Variants in KSR2 observed in about 807,000 individuals in gnomAD.
KSR2 encodes the protein kinase suppressor of ras 2.
KSR2 carries 25 observed loss-of-function variants against 107.8 expected under a neutral mutation model. The ratio of observed to expected loss-of-function variants is 0.23; its 90% CI spans 0.17 to 0.32. The LOEUF (loss-of-function observed/expected upper bound fraction) is 0.32. Ranked by LOEUF, KSR2 falls within the 10% of genes least tolerant of loss-of-function variation. The pLI is 1.00. For synonymous variants in KSR2, 480 were observed against 507.0 expected, an observed-to-expected ratio of 0.95 and a Z score of 0.71; for missense variants, 887 against 1,268.9, an observed-to-expected ratio of 0.70 and a Z score of 4.57.
At chr12:117,793,844 ACT>A (rs1226558936) in intron 3 of KSR2, among the ~76,000 whole-genome samples, 2 of 143,362 alleles carry the variant, frequency 1.4e-5, no homozygotes, top group African/African-American at 2.6e-5. Context: ...ACATGCACAC[ACT>A]CATACCATGC....
chr12:117,845,769 C>A (rs1051883386), intron 3 of KSR2, among the ~76,000 whole-genome samples: 1 of 151,972 alleles, frequency 6.6e-6, no homozygotes, highest in African/African-American at 2.4e-5. Context: ...CAGCCTTGAC[C>A]TCCCAGGCTC....
At chr12:117,760,794 T>C (rs1425136125) in intron 4 of KSR2, among the ~76,000 whole-genome samples, 1 of 152,204 alleles carries the variant, frequency 6.6e-6, no homozygotes, top group African/African-American at 2.4e-5. Flanking sequence ...CCCTAGGCCA[T>C]AGGATATTAA....
In KSR2 at chr12:117,530,980, G is replaced by A. The variant is rs780348317; in HGVS notation, c.1763C>T (p.Ala588Val). ...VVPVPETPTR[A>V]PQVILHPVTS... ...CACCGGATGCAGGATGACCTGGGGC[G>A]CCCGGGTCGGCGTCTCCGGCACCGG... The change falls in exon 12 of 20, where the codon GCG becomes GTG. Residue 588 changes from alanine to valine, a missense_variant. Physicochemically the swap from Ala to Val is moderately conservative, Grantham distance 64. This residue lies in a region of KSR2 where 308 missense variants were observed against 506.2 expected (regional missense o/e 0.61). Coordinates refer to ENST00000339824, the MANE Select transcript of KSR2 (RefSeq NM_173598.6). 12 of 1,613,378 alleles carry A rather than the reference G, an allele frequency of 7.4e-6. No homozygotes were observed. Among genetic ancestry groups the A allele is most frequent in the Admixed American group, 5.0e-5 (3 of 59,964 alleles).
chr12:117,884,711 T>C (rs1392810742), intron 1 of KSR2, among the ~76,000 whole-genome samples: 2 of 152,200 alleles, frequency 1.3e-5, no homozygotes, highest in Non-Finnish European at 2.9e-5. Context: ...TTAGATGTCC[T>C]TTGACCTCTG....
intron 5 of KSR2, among the ~76,000 whole-genome samples, chr12:117,629,230 G>A (rs1042554246): frequency 2.0e-5 from 3 of 152,210 alleles, no homozygotes; most frequent in African/African-American, 7.2e-5. Context: ...CAGTCCCAAT[G>A]AGATGAACCA....
chr12:117,958,802 C>T (rs1033946728), intron 1 of KSR2, among the ~76,000 whole-genome samples: 11 of 152,120 alleles, frequency 7.2e-5, no homozygotes, highest in African/African-American at 2.7e-4. Flanking sequence ...GCCTGGGTGA[C>T]AGAGTGAGAC....
chr12:117,819,163 C>T (rs1333406104), intron 3 of KSR2, among the ~76,000 whole-genome samples: 1 of 152,074 alleles, frequency 6.6e-6, no homozygotes, highest in Middle Eastern at 3.2e-3. Flanking sequence ...GCATCAGGCT[C>T]AGGGGAATAA....
chr12:117,724,191 C>T (rs1201310003), intron 4 of KSR2, among the ~76,000 whole-genome samples: 1 of 151,632 alleles, frequency 6.6e-6, no homozygotes. Flanking sequence ...GCCTGCAGTC[C>T]CAACTACTTA....
chr12:117,843,378 G>A (rs1179393735), intron 3 of KSR2, among the ~76,000 whole-genome samples: 1 of 152,162 alleles, frequency 6.6e-6, no homozygotes, highest in Non-Finnish European at 1.5e-5. Flanking sequence ...CTCAGGAACT[G>A]AGCCCCGACC....
At chr12:117,943,746 C>A (rs1171219442) in intron 1 of KSR2, among the ~76,000 whole-genome samples, 1 of 152,150 alleles carries the variant, frequency 6.6e-6, no homozygotes, top group Admixed American at 6.6e-5. Flanking sequence ...TGTGTCCCCA[C>A]CCAAATCTCA....
chr12:117,745,138 C>A (rs1351061390), intron 4 of KSR2, among the ~76,000 whole-genome samples: 1 of 152,014 alleles, frequency 6.6e-6, no homozygotes, highest in African/African-American at 2.4e-5. Context: ...GGTTCCAGAG[C>A]CCCTGCCCTA....
intron 5 of KSR2, among the ~76,000 whole-genome samples, chr12:117,642,268 G>T (rs1157304717): frequency 2.0e-5 from 3 of 152,176 alleles, no homozygotes; most frequent in Non-Finnish European, 4.4e-5. Flanking sequence ...TGGAGATCTT[G>T]GACATCAATT....
chr12:117,607,994 A>G (rs1593046248), intron 5 of KSR2, among the ~76,000 whole-genome samples: 3 of 152,260 alleles, frequency 2.0e-5, no homozygotes, highest in African/African-American at 7.2e-5. Flanking sequence ...GGAGCCCCAC[A>G]TGGGGTCAAC....
At chr12:117,798,371 G>A (rs571354452) in intron 3 of KSR2, among the ~76,000 whole-genome samples, 179 of 152,282 alleles carry the variant, frequency 1.2e-3, no homozygotes, top group African/African-American at 4.2e-3. Flanking sequence ...GGTGGCTCAC[G>A]CCTGTCATCC....
intron 3 of KSR2, among the ~76,000 whole-genome samples, chr12:117,793,455 A>T (rs1731787349): frequency 2.7e-5 from 4 of 149,436 alleles, no homozygotes; most frequent in Admixed American, 2.7e-4. Flanking sequence ...TCAAACCAAC[A>T]TGCACACATA....
At chr12:117,660,245 C>CA in intron 5 of KSR2, among the ~76,000 whole-genome samples, 1 of 152,104 alleles carries the variant, frequency 6.6e-6, no homozygotes, top group East Asian at 1.9e-4. Flanking sequence ...AATAAAATAC[C>CA]AAAAACTGGT....
intron 1 of KSR2, among the ~76,000 whole-genome samples, chr12:117,905,653 G>A (rs1894819126): frequency 6.6e-6 from 1 of 152,186 alleles, no homozygotes. Context: ...CTGCTTCCCT[G>A]AAGGACAGTG....
intron 1 of KSR2, among the ~76,000 whole-genome samples, chr12:117,967,501 T>C (rs1896834165): frequency 6.6e-6 from 1 of 152,040 alleles, no homozygotes; most frequent in African/African-American, 2.4e-5. Flanking sequence ...TTTTCATGCA[T>C]CTTGCCTCCT....
chr12:117,918,578 C>T (rs962495017), intron 1 of KSR2, among the ~76,000 whole-genome samples: 44 of 151,744 alleles, frequency 2.9e-4, no homozygotes, highest in African/African-American at 1.1e-3. Context: ...CACCTGAGGT[C>T]GGGAGTTTGA....
Sources: gnomAD v4.1 joint callset for allele counts (sites outside exome capture counted in the v4.1 genomes callset) on GRCh38, gnomAD v4.1.1 for gene constraint, gnomAD v4.1.1 regional missense constraint, MANE v1.5 for transcripts, NCBI Gene and HGNC (gene_info 2026-07-23, HGNC 2026-07-21) for gene names.